Variants in CNTNAP4 observed in about 807,000 individuals in gnomAD.
CNTNAP4 encodes contactin associated protein family member 4.
Under a neutral mutation model 148.4 loss-of-function variants are expected in CNTNAP4, and 98 were observed. The ratio of observed to expected loss-of-function variants is 0.66; its 90% CI spans 0.56 to 0.78. The LOEUF (loss-of-function observed/expected upper bound fraction) is 0.78. Ranked by LOEUF, CNTNAP4 falls within the 30% of genes least tolerant of loss-of-function variation. The pLI is 0.00. For synonymous variants in CNTNAP4, 730 were observed against 565.1 expected (o/e 1.29, Z -4.14); for missense variants, 1,935 against 1,565.6 (o/e 1.24, Z -3.98).
chr16:76,310,590 C>T (rs1323599883), intron 1 of CNTNAP4, among the ~76,000 whole-genome samples: 2 of 152,138 alleles, frequency 1.3e-5, no homozygotes, highest in Non-Finnish European at 2.9e-5. Context: ...AAAGGTCTCA[C>T]CCTGCCTCTG....
At chr16:76,530,121 C>T (rs574744958) in intron 17 of CNTNAP4, among the ~76,000 whole-genome samples, 31 of 151,880 alleles carry the variant, frequency 2.0e-4, no homozygotes, top group Non-Finnish European at 3.8e-4. Context: ...ATAAGATCTT[C>T]GACCTCTCTG....
intron 15 of CNTNAP4, among the ~76,000 whole-genome samples, chr16:76,511,100 C>T (rs1225788386): frequency 3.3e-5 from 5 of 152,128 alleles, no homozygotes; most frequent in Non-Finnish European, 7.4e-5. Context: ...CAAATGTGGT[C>T]TGAATTTCTG....
At chr16:76,551,851 C>CTCCCATATTATTATATTTTCAAAAGA (rs1195559886) in intron 21 of CNTNAP4, among the ~76,000 whole-genome samples, 5 of 152,142 alleles carry the variant, frequency 3.3e-5, no homozygotes, top group Admixed American at 6.5e-5. Context: ...TGAATATACA[C>CTCCCATATTATTATATTTTCAAAAGA]TCCCATATTA....
intron 2 of CNTNAP4, among the ~76,000 whole-genome samples, chr16:76,340,271 C>A (rs569595978): frequency 6.6e-6 from 1 of 152,144 alleles, no homozygotes; most frequent in Non-Finnish European, 1.5e-5. Flanking sequence ...CAAGTTCCCC[C>A]CCAAATCCTA....
At chr16:76,309,788 G>A in intron 1 of CNTNAP4, 2 of 696,958 alleles carry the variant, frequency 2.9e-6, no homozygotes, top group East Asian at 2.7e-5. Context: ...TGCTATTCTC[G>A]TGATAGTGAG....
chr16:76,501,690 C>G (rs1370710800), intron 15 of CNTNAP4, among the ~76,000 whole-genome samples: 1 of 152,184 alleles, frequency 6.6e-6, no homozygotes, highest in East Asian at 1.9e-4. Context: ...TTATCTGGCC[C>G]CAAATGTCAG....
chr16:76,317,409 G>A (rs1033571772), intron 2 of CNTNAP4, among the ~76,000 whole-genome samples: 1 of 151,596 alleles, frequency 6.6e-6, no homozygotes, highest in Non-Finnish European at 1.5e-5. Context: ...AAATAAGACA[G>A]AATTTCAAAA....
intron 4 of CNTNAP4, among the ~76,000 whole-genome samples, chr16:76,431,506 C>G (rs1438764270): frequency 1.3e-5 from 2 of 152,124 alleles, no homozygotes; most frequent in Non-Finnish European, 2.9e-5. Flanking sequence ...TGGCAAAACC[C>G]TGTCTCTACT....
chr16:76,367,059 A>G (rs2014227039), intron 3 of CNTNAP4, among the ~76,000 whole-genome samples: 1 of 151,792 alleles, frequency 6.6e-6, no homozygotes, highest in South Asian at 2.1e-4. Flanking sequence ...ATTAATATAT[A>G]TTAATTAAAA....
At position 76,558,834 on chromosome 16, in the gene CNTNAP4, G is replaced by A; in HGVS notation, c.*151G>A. The A allele has an allele frequency of 1.9e-6, 1 of 533,942 alleles. No individual in the cohort carries two copies. Among genetic ancestry groups the A allele is most frequent in the East Asian group, 3.0e-5 (1 of 32,916 alleles). 33.1% of individuals were successfully genotyped at this position (533,942 alleles called of 1,614,324 possible). A position where few individuals can be genotyped will look rare whatever the true frequency, so the allele number is the denominator to read the frequency against. On this transcript the variant is annotated 3_prime_UTR_variant, in exon 24 of 24. Transcript: ENST00000611870. ...ATGTACAGGCTTGGGGTGGCTCCAG[G>A]AAGCCTCGTCCAGTGATATATTTCT...
Position 76,525,632 on chromosome 16 carries a change from T to TA in CNTNAP4, c.2755+3377dup, listed in dbSNP as rs2083690524. Among the ~76,000 whole-genome samples, 5 of 95,916 alleles carry TA rather than the reference T, an allele frequency of 5.2e-5. No homozygotes were observed. The South Asian group carries it at 1.4e-3, about 27-fold the overall frequency. 62.9% of individuals were successfully genotyped at this position (95,916 alleles called of 152,430 possible). A position where few individuals can be genotyped will look rare whatever the true frequency, so the allele number is the denominator to read the frequency against. ...AGTTTTATAGTTTATATGTAGTTTA[T>TA]AACTACATATAAACTATAAAATTAT... is the stretch of plus-strand genomic sequence containing the variant. On this transcript the variant is annotated intron_variant, in intron 17 of 23. Transcript: ENST00000611870.
At chr16:76,320,843 T>C (rs1962331080) in intron 2 of CNTNAP4, among the ~76,000 whole-genome samples, 1 of 152,202 alleles carries the variant, frequency 6.6e-6, no homozygotes, top group Non-Finnish European at 1.5e-5. Context: ...TGCAAATTGA[T>C]AAATTTGTGT....
At chr16:76,498,387 G>C (rs2082480085) in intron 14 of CNTNAP4, among the ~76,000 whole-genome samples, 180 bp from the exon 15 acceptor site, 1 of 152,170 alleles carries the variant, frequency 6.6e-6, no homozygotes. Flanking sequence ...GTGAGACCCT[G>C]TCTCAAAATA....
intron 8 of CNTNAP4, among the ~76,000 whole-genome samples, chr16:76,461,054 A>C (rs2080942176): frequency 6.6e-6 from 1 of 151,978 alleles, no homozygotes; most frequent in East Asian, 1.9e-4. Context: ...TATGGCCAAC[A>C]GCACCCTAAC....
chr16:76,368,423 C>T (rs1023031568), intron 3 of CNTNAP4, among the ~76,000 whole-genome samples: 8 of 152,108 alleles, frequency 5.3e-5, no homozygotes, highest in African/African-American at 1.7e-4. Context: ...TTGGAACCAA[C>T]CCAAATGCCC....
At chr16:76,356,076 T>C (rs1381581941) in intron 3 of CNTNAP4, among the ~76,000 whole-genome samples, 2 of 151,788 alleles carry the variant, frequency 1.3e-5, no homozygotes, top group East Asian at 1.9e-4. Context: ...GCTTTCACCA[T>C]GTTGGCCAGG....
intron 1 of CNTNAP4, among the ~76,000 whole-genome samples, chr16:76,306,144 A>C (rs935178390): frequency 6.6e-6 from 1 of 152,204 alleles, no homozygotes; most frequent in Non-Finnish European, 1.5e-5. Context: ...TCTTTTTGGT[A>C]TAAAGGTCTA....
intron 15 of CNTNAP4, among the ~76,000 whole-genome samples, chr16:76,500,816 A>G (rs1199588655): frequency 6.6e-6 from 1 of 151,956 alleles, no homozygotes; most frequent in Non-Finnish European, 1.5e-5. Context: ...TGAAATGAGC[A>G]TATGTATTCA....
intron 3 of CNTNAP4, among the ~76,000 whole-genome samples, chr16:76,414,462 A>C (rs2078908968): frequency 6.6e-6 from 1 of 151,156 alleles, no homozygotes; most frequent in African/African-American, 2.4e-5. Context: ...ATTGGCATTC[A>C]TGGGTAAGAT....
Sources: allele counts gnomAD v4.1 joint callset (sites outside exome capture counted in the v4.1 genomes callset), GRCh38; gene constraint gnomAD v4.1.1; transcripts MANE v1.5; gene names NCBI Gene and HGNC (gene_info 2026-07-23, HGNC 2026-07-21).